Variants in BTBD17 observed in about 807,000 individuals in gnomAD.
BTBD17 encodes BTB domain containing 17, also known as BTB/POZ domain-containing protein 17.
BTBD17 carries 26 observed loss-of-function variants against 36.9 expected under a neutral mutation model. The observed-to-expected ratio is 0.70, with a 90% CI of 0.52 to 0.98. The LOEUF (loss-of-function observed/expected upper bound fraction) is 0.98. BTBD17 is among the 50% of genes least tolerant of loss of function. The pLI, the probability that BTBD17 is intolerant of heterozygous loss-of-function variation, is 0.00. For missense variants in BTBD17, 630 were observed against 691.3 expected, an observed-to-expected ratio of 0.91 and a Z score of 0.99; for synonymous variants, 341 against 338.0, an observed-to-expected ratio of 1.01 and a Z score of -0.10.
rs772236867 is a variant in BTBD17 at position 74,361,737 on chromosome 17, G to C, written c.83C>G (p.Ala28Gly). 19 of 1,612,752 alleles carry C rather than the reference G, an allele frequency of 1.2e-5. No individual in the cohort carries two copies. In the South Asian group the frequency reaches 2.0e-4, roughly 17 times the overall value. Residue 28 changes from alanine (A) to glycine (G), a missense_variant and splice_region_variant, in exon 1 of 3, where the codon GCA becomes GGA. Physicochemically the swap from Ala to Gly is moderately conservative, Grantham distance 60 (BLOSUM62 0). Coordinates refer to ENST00000375366, the MANE Select transcript of BTBD17 (RefSeq NM_001080466.2). ...CACCTGGCCCACTGCCCGCTCACCT[G>C]CATGGGTGACCAGGCCCACCAAGGT... is the stretch of plus-strand genomic sequence containing the variant. Reference protein sequence around the residue: ...MLTLVGLVTHAAQRADVGGEA... With the variant: ...MLTLVGLVTHGAQRADVGGEA...
chr17:74,362,985 T>TGTGTGA (rs2054950302), upstream of BTBD17, among the ~76,000 whole-genome samples: 1 of 151,722 alleles, frequency 6.6e-6, no homozygotes, highest in Admixed American at 6.6e-5. Context: ...TGTGTGTGTG[T>TGTGTGA]GTGTAGGGTG....
In BTBD17 at chr17:74,360,407, C is replaced by T. The variant is rs1018502191; in HGVS notation, c.86-162G>A. On this transcript the variant is annotated intron_variant, in intron 1 of 2. Transcript: ENST00000375366. The stretch of plus-strand genomic sequence containing the variant: ...TGCATACCTGTTTGTGCCCACGAGG[C>T]GCGTGGATGCATCGGTGCACATACA... Among the ~76,000 whole-genome samples the T allele has an allele frequency of 3.3e-5, 5 of 152,168 alleles. No homozygotes were observed. In the East Asian group the frequency reaches 7.7e-4, roughly 23 times the overall value.
intron 2 of BTBD17, among the ~76,000 whole-genome samples, chr17:74,358,516 T>G (rs77612160): frequency 0.16 from 22,739 of 139,212 alleles, 3,356 homozygotes; most frequent in African/African-American, 0.4. Context: ...GGGGTCTTTC[T>G]GTATTGCTCA....
chr17:74,356,600 C>A lies in BTBD17; in HGVS notation c.*57G>T. On this transcript the variant is annotated 3_prime_UTR_variant, in exon 3 of 3. Coordinates refer to ENST00000375366, the MANE Select transcript of BTBD17 (RefSeq NM_001080466.2). The surrounding 1 kb of genome is among the most constrained non-coding windows in gnomAD (Gnocchi z 4.3). ...TGTTGCCACCTCCAGGCTCGCCTTG[C>A]CCTTCCCAGACCCACAGGGACCACC... 1 of 1,387,644 alleles carries A rather than the reference C, an allele frequency of 7.2e-7. No individual in the cohort carries two copies. The highest frequency in any genetic ancestry group is 9.4e-7 in the Non-Finnish European group (1 of 1,067,056). 86.0% of individuals were successfully genotyped at this position (1,387,644 alleles called of 1,614,324 possible).
At position 74,361,824 on chromosome 17, in the gene BTBD17, A is replaced by G. The variant is rs762367584; in HGVS notation, c.-5T>C. 1 of 1,613,168 alleles carries G rather than the reference A, an allele frequency of 6.2e-7. No homozygotes were observed. The highest frequency in any genetic ancestry group is 8.5e-7 in the Non-Finnish European group (1 of 1,179,366). ...GGAGTAGCCTCTCCTAGGCATCTTT[A>G]TGCTCAGCCCCCAAGTCCACTGGAG... On this transcript the variant is annotated 5_prime_UTR_variant, in exon 1 of 3. Coordinates refer to ENST00000375366, the MANE Select transcript of BTBD17 (RefSeq NM_001080466.2).
upstream of BTBD17, among the ~76,000 whole-genome samples, chr17:74,363,286 G>A (rs1325560009): frequency 2.6e-5 from 4 of 152,120 alleles, no homozygotes; most frequent in South Asian, 2.1e-4. Flanking sequence ...CACCTGCCTC[G>A]TCCGGGTTGG....
intron 1 of BTBD17, among the ~76,000 whole-genome samples, chr17:74,361,272 C>A (rs757983803): frequency 6.6e-6 from 1 of 152,152 alleles, no homozygotes; most frequent in Non-Finnish European, 1.5e-5. Context: ...GGGAGGCGGG[C>A]GGGGGCCTGA....
rs1239190611 is a variant in BTBD17 at position 74,357,588 on chromosome 17, G to A, written c.506C>T (p.Ala169Val). 2.6e-6 allele frequency: 4 copies of A among 1,548,634 alleles called. No individual in the cohort carries two copies. In the African/African-American group the frequency reaches 4.1e-5, roughly 16 times the overall value. Residue 169 changes from alanine to valine, a missense_variant, in exon 3 of 3, where the codon GCG (alanine) becomes GTG (valine). Physicochemically the swap from Ala to Val is moderately conservative, Grantham distance 64. Coordinates refer to ENST00000375366, the MANE Select transcript of BTBD17 (RefSeq NM_001080466.2). This position sits in a 1 kb window ranked among gnomAD's most constrained non-coding sequence, Gnocchi z 8.4. Reference sequence around the variant, plus strand: ...CACCGCGTAGTGGTACCAGCCCACCGCCGGGCCCGCGCCTCCCGCCAGGTG... The same window carrying A: ...CACCGCGTAGTGGTACCAGCCCACCACCGGGCCCGCGCCTCCCGCCAGGTG... ...RAHLAGGAGP[A>V]VGWYHYAVGT...
upstream of BTBD17, among the ~76,000 whole-genome samples, chr17:74,362,320 G>A (rs117268812): frequency 8.9e-4 from 135 of 152,252 alleles, 1 homozygote; most frequent in East Asian, 0.025. Context: ...GAGGAAAGGA[G>A]AGGCGGCTGA....
At chr17:74,359,369 TTGG>T (rs1567931751) in intron 2 of BTBD17, among the ~76,000 whole-genome samples, 146 of 150,372 alleles carry the variant, frequency 9.7e-4, no homozygotes, top group African/African-American at 3.4e-3. Flanking sequence ...GTTTGTTTGG[TTGG>T]TTGGTTGGTT....
chr17:74,359,550 G>A (rs1350497721), intron 2 of BTBD17, among the ~76,000 whole-genome samples: 3 of 152,094 alleles, frequency 2.0e-5, no homozygotes, highest in Non-Finnish European at 2.9e-5. Context: ...ACCACACCCA[G>A]CTAATTTTCT....
intron 2 of BTBD17, among the ~76,000 whole-genome samples, chr17:74,359,208 T>A (rs1200418358): frequency 6.6e-6 from 1 of 152,058 alleles, no homozygotes; most frequent in Non-Finnish European, 1.5e-5. Context: ...ACAGCGATGC[T>A]TTCAAATAAA....
intron 1 of BTBD17, among the ~76,000 whole-genome samples, chr17:74,360,729 G>A (rs73364564): frequency 0.055 from 8,398 of 152,286 alleles, 765 homozygotes; most frequent in African/African-American, 0.19. Flanking sequence ...AGCTTGGGAT[G>A]TGGCAGTGGA....
Position 74,360,967 on chromosome 17 carries a change from C to T in BTBD17, c.86-722G>A, listed in dbSNP as rs962811057. ...GCAGGAGAGAGGGGCGGGTGTGAGA[C>T]GAGGCTGCGGGTGTGGAAGGGAAGC... On this transcript the variant is annotated intron_variant, in intron 1 of 2. Coordinates refer to ENST00000375366, the MANE Select transcript of BTBD17 (RefSeq NM_001080466.2). Among the ~76,000 whole-genome samples the T allele has an allele frequency of 6.6e-5, 10 of 152,180 alleles. No individual in the cohort carries two copies. In the South Asian group the frequency reaches 8.3e-4, roughly 13 times the overall value.
At chr17:74,358,302 G>A (rs895707829) in intron 2 of BTBD17, among the ~76,000 whole-genome samples, 17 of 152,022 alleles carry the variant, frequency 1.1e-4, no homozygotes, top group African/African-American at 3.9e-4. Context: ...ACCAGCTTGG[G>A]CAACATAGCA....
upstream of BTBD17, among the ~76,000 whole-genome samples, chr17:74,363,117 G>A (rs1205133146): frequency 6.6e-6 from 1 of 152,116 alleles, no homozygotes; most frequent in African/African-American, 2.4e-5. Flanking sequence ...TGACTCCGAG[G>A]CAGGGCTCTA....
rs1231054979 is a variant in BTBD17 at position 74,357,266 on chromosome 17, C to T, written c.828G>A (p.Ala276=). ...FQLQARSAAL[A]RHGPAVADLL... is the part of the protein sequence containing the mutation. ...GGTCGGCCACCGCGGGGCCGTGGCG[C>T]GCCAGGGCTGCCGAGCGCGCCTGCA... The change falls in exon 3 of 3, where the codon GCG becomes GCA. Residue 276 remains alanine, a synonymous_variant. Coordinates refer to ENST00000375366, the MANE Select transcript of BTBD17 (RefSeq NM_001080466.2). The surrounding 1 kb of genome is among the most constrained non-coding windows in gnomAD (Gnocchi z 8.4). The T allele has an allele frequency of 6.4e-7, 1 of 1,559,740 alleles. No homozygotes were observed.
chr17:74,357,889 T>C lies in BTBD17; in HGVS notation c.363-158A>G, dbSNP rs975178214. 2.0e-5 allele frequency among the ~76,000 whole-genome samples: 3 copies of C among 152,234 alleles called. No homozygotes were observed. Among genetic ancestry groups the C allele is most frequent in the African/African-American group, 7.2e-5 (3 of 41,460 alleles). On this transcript the variant is annotated intron_variant, in intron 2 of 2. Coordinates refer to ENST00000375366, the MANE Select transcript of BTBD17 (RefSeq NM_001080466.2). The surrounding 1 kb of genome is among the most constrained non-coding windows in gnomAD (Gnocchi z 8.4). The stretch of plus-strand genomic sequence containing the variant: ...CACCCTGAGGCTTCCCATGTTTTCC[T>C]TTCAAGGACCCTTCCAGGCCATTCT...
upstream of BTBD17, among the ~76,000 whole-genome samples, chr17:74,362,518 C>T (rs62063605): frequency 2.4e-3 from 358 of 152,270 alleles, 4 homozygotes; most frequent in African/African-American, 8.2e-3. Flanking sequence ...CTGTGACTGT[C>T]GCCTCCCCCA....
Sources: allele counts gnomAD v4.1 joint callset (sites outside exome capture counted in the v4.1 genomes callset), GRCh38; gene constraint gnomAD v4.1.1; non-coding constraint Gnocchi (gnomAD v3.1); transcripts MANE v1.5; gene names NCBI Gene and HGNC (gene_info 2026-07-23, HGNC 2026-07-21).